The following NCKAP5 variants were observed in gnomAD, a reference collection of about 807,000 sequenced individuals.
NCKAP5 encodes NCK associated protein 5, also known as nck-associated protein 5.
A neutral mutation model predicts 167.0 loss-of-function variants in NCKAP5; 92 were observed. That is an observed-to-expected ratio of 0.55 (90% confidence interval 0.47 to 0.66). NCKAP5 has a LOEUF of 0.66. Among genes scored for constraint, NCKAP5 ranks in the 30% least tolerant of loss-of-function variants. NCKAP5 has a pLI of 0.00. For missense variants in NCKAP5, 2,378 were observed against 2,315.0 expected (o/e 1.03, Z -0.56); for synonymous variants, 891 against 877.4 (o/e 1.02, Z -0.27).
chr2:133,611,354 C>T, the NCKAP5 span, among the ~76,000 whole-genome samples: 9 of 152,144 alleles, frequency 5.9e-5, no homozygotes, highest in Admixed American at 1.3e-4. Flanking sequence ...TAGTCCTCCA[C>T]GGTGATACCC....
At chr2:133,250,180 C>T (rs949903987) in intron 4 of NCKAP5, among the ~76,000 whole-genome samples, 2 of 152,004 alleles carry the variant, frequency 1.3e-5, no homozygotes, top group African/African-American at 4.8e-5. Context: ...TTTCAATGAA[C>T]AGATATTCCC....
chr2:133,159,112 G>T (rs1207502407), intron 5 of NCKAP5, among the ~76,000 whole-genome samples: 1 of 151,968 alleles, frequency 6.6e-6, no homozygotes, highest in East Asian at 2.0e-4. Flanking sequence ...AATTTCTCCG[G>T]CTGGAAACAG....
chr2:133,661,783 G>A, the NCKAP5 span, among the ~76,000 whole-genome samples: 3 of 152,100 alleles, frequency 2.0e-5, no homozygotes, highest in Non-Finnish European at 2.9e-5. Context: ...CCACAGTCTT[G>A]TTCATCTAGA....
At chr2:133,262,389 C>T (rs1307615367) in intron 4 of NCKAP5, among the ~76,000 whole-genome samples, 1 of 152,150 alleles carries the variant, frequency 6.6e-6, no homozygotes, top group Non-Finnish European at 1.5e-5. Context: ...CAAGACCTTT[C>T]AACACAACAC....
chr2:132,732,793 T>C (rs975701146), intron 16 of NCKAP5, among the ~76,000 whole-genome samples: 2 of 152,192 alleles, frequency 1.3e-5, no homozygotes, highest in South Asian at 2.1e-4. Flanking sequence ...TGATCACCCA[T>C]TCAGCAGTTG....
the NCKAP5 span, among the ~76,000 whole-genome samples, chr2:133,627,926 T>A: frequency 1.3e-5 from 2 of 152,160 alleles, no homozygotes; most frequent in Admixed American, 6.5e-5. Context: ...TTGGCCGTGG[T>A]ACTTCCCTTG....
chr2:132,896,427 C>T (rs576000486), intron 8 of NCKAP5, among the ~76,000 whole-genome samples: 2 of 152,238 alleles, frequency 1.3e-5, no homozygotes, highest in East Asian at 3.9e-4. Flanking sequence ...TTTAAAATTT[C>T]CTCCGTTTCT....
chr2:133,275,443 A>G (rs1305992178), intron 4 of NCKAP5, among the ~76,000 whole-genome samples: 1 of 152,108 alleles, frequency 6.6e-6, no homozygotes, highest in East Asian at 1.9e-4. Context: ...AATCCATTAT[A>G]TTAAATCTCA....
At chr2:133,044,956 GA>G (rs1200156359) in intron 6 of NCKAP5, among the ~76,000 whole-genome samples, 1 of 151,978 alleles carries the variant, frequency 6.6e-6, no homozygotes, top group South Asian at 2.1e-4. Flanking sequence ...TTGAGAGGCT[GA>G]GGCAGGAGGA....
intron 11 of NCKAP5, among the ~76,000 whole-genome samples, chr2:132,847,553 C>T (rs763024300): frequency 3.9e-5 from 6 of 152,162 alleles, no homozygotes; most frequent in Non-Finnish European, 8.8e-5. Flanking sequence ...TCGCTTTTGG[C>T]AATGCTGCAT....
At chr2:133,497,551 T>C (rs181644292) in intron 3 of NCKAP5, among the ~76,000 whole-genome samples, 343 of 152,316 alleles carry the variant, frequency 2.3e-3, no homozygotes, top group Non-Finnish European at 2.9e-3. Context: ...GAGCTGACAA[T>C]GGTGCTGCCT....
chr2:133,671,402 C>T, the NCKAP5 span, among the ~76,000 whole-genome samples: 2 of 151,966 alleles, frequency 1.3e-5, no homozygotes, highest in East Asian at 1.9e-4. Context: ...AAGGTGGAGC[C>T]TTTAAGAGGT....
chr2:133,359,966 C>T (rs1337241631), intron 3 of NCKAP5, among the ~76,000 whole-genome samples: 1 of 152,110 alleles, frequency 6.6e-6, no homozygotes, highest in Non-Finnish European at 1.5e-5. Context: ...TAGTCAAAGG[C>T]AATTCAGACT....
chr2:133,357,199 C>A (rs1033686656), intron 3 of NCKAP5, among the ~76,000 whole-genome samples: 6 of 151,926 alleles, frequency 3.9e-5, no homozygotes, highest in African/African-American at 1.2e-4. Context: ...GCTTGCCCGA[C>A]CCTAAATATT....
chr2:132,876,568 G>C (rs1691296563), intron 9 of NCKAP5, among the ~76,000 whole-genome samples: 1 of 152,202 alleles, frequency 6.6e-6, no homozygotes, highest in African/African-American at 2.4e-5. Context: ...CCCATTGAGA[G>C]TGTTCTCTTA....
At chr2:133,106,674 T>G (rs1390670500) in intron 6 of NCKAP5, among the ~76,000 whole-genome samples, 1 of 152,202 alleles carries the variant, frequency 6.6e-6, no homozygotes, top group Non-Finnish European at 1.5e-5. Context: ...GCAGAACTTG[T>G]GTGACTGTAA....
chr2:132,953,321 C>A (rs1399273950), intron 8 of NCKAP5, among the ~76,000 whole-genome samples: 2 of 152,124 alleles, frequency 1.3e-5, no homozygotes, highest in African/African-American at 4.8e-5. Context: ...TGGCATAAAG[C>A]CTCAAAGACT....
At chr2:133,228,238 T>C (rs2086984441) in intron 4 of NCKAP5, among the ~76,000 whole-genome samples, 1 of 152,230 alleles carries the variant, frequency 6.6e-6, no homozygotes, top group Non-Finnish European at 1.5e-5. Flanking sequence ...GTCGAAAATT[T>C]ATACTTCTAC....
At chr2:133,462,911 C>A (rs1311118267) in intron 3 of NCKAP5, among the ~76,000 whole-genome samples, 1 of 152,176 alleles carries the variant, frequency 6.6e-6, no homozygotes, top group Non-Finnish European at 1.5e-5. Flanking sequence ...GCTGAGCCAG[C>A]CCTCTCATTA....
Sources: allele counts gnomAD v4.1 joint callset (sites outside exome capture counted in the v4.1 genomes callset), GRCh38; gene constraint gnomAD v4.1.1; transcripts MANE v1.5; gene names NCBI Gene and HGNC (gene_info 2026-07-23, HGNC 2026-07-21).